The following GABRA5 variants were observed in gnomAD, a reference collection of about 807,000 sequenced individuals.
GABRA5 encodes the protein gamma-aminobutyric acid receptor subunit alpha-5.
A neutral mutation model predicts 47.3 loss-of-function variants in GABRA5; 18 were observed. That is an observed-to-expected ratio of 0.38 (90% confidence interval 0.26 to 0.56). The LOEUF (loss-of-function observed/expected upper bound fraction) is 0.56, where lower values mean the gene tolerates loss of function less well. Among genes scored for constraint, GABRA5 ranks in the 20% least tolerant of loss-of-function variants. The pLI is 0.71. For missense variants in GABRA5, 365 were observed against 599.3 expected (o/e 0.61, Z 4.08); for synonymous variants, 237 against 229.3 (o/e 1.03, Z -0.30).
intron 6 of GABRA5, among the ~76,000 whole-genome samples, chr15:26,911,397 A>ACAC (rs778398739): frequency 1.7e-5 from 2 of 117,438 alleles, no homozygotes; most frequent in Admixed American, 8.6e-5. Flanking sequence ...ACACACACAC[A>ACAC]AACACACACA....
At chr15:26,922,143 A>T (rs1317360108) in intron 7 of GABRA5, among the ~76,000 whole-genome samples, 2 of 152,058 alleles carry the variant, frequency 1.3e-5, no homozygotes, top group Non-Finnish European at 2.9e-5. Flanking sequence ...ATCCTTGATG[A>T]TTTTCTGTCT....
chr15:26,916,774 T>C (rs926727580), intron 7 of GABRA5, among the ~76,000 whole-genome samples: 1 of 152,090 alleles, frequency 6.6e-6, no homozygotes, highest in African/African-American at 2.4e-5. Context: ...TTTCAGTGTA[T>C]AGATTTTTCA....
intron 7 of GABRA5, among the ~76,000 whole-genome samples, chr15:26,935,138 G>A (rs1277945850): frequency 6.6e-6 from 1 of 152,190 alleles, no homozygotes; most frequent in Admixed American, 6.5e-5. Context: ...ATGGACACAA[G>A]GGGTCATTTA....
intron 3 of GABRA5, among the ~76,000 whole-genome samples, chr15:26,872,383 C>G (rs924370115): frequency 2.0e-4 from 30 of 152,148 alleles, no homozygotes; most frequent in Non-Finnish European, 4.1e-4. Flanking sequence ...AGTCCTTACT[C>G]GGAGCTTCCT....
chr15:26,881,384 T>C (rs760360602), intron 4 of GABRA5, among the ~76,000 whole-genome samples: 1 of 152,206 alleles, frequency 6.6e-6, no homozygotes, highest in African/African-American at 2.4e-5. Context: ...CGAGTCCTTT[T>C]CAGAAATCCA....
At chr15:26,942,881 C>T (rs546402585) in intron 9 of GABRA5, among the ~76,000 whole-genome samples, 2 of 152,232 alleles carry the variant, frequency 1.3e-5, no homozygotes, top group African/African-American at 2.4e-5. Context: ...GCCAGGAATT[C>T]GAGACCAGCC....
At chr15:26,892,823 C>T (rs1893041712) in intron 6 of GABRA5, among the ~76,000 whole-genome samples, 2 of 151,966 alleles carry the variant, frequency 1.3e-5, no homozygotes, top group African/African-American at 4.8e-5. Context: ...GGGCGGCTTC[C>T]GGAGGCTTCT....
intron 7 of GABRA5, among the ~76,000 whole-genome samples, chr15:26,917,877 CTT>C (rs1893754217): frequency 6.6e-6 from 1 of 151,760 alleles, no homozygotes; most frequent in Non-Finnish European, 1.5e-5. Flanking sequence ...TTTTACAAGT[CTT>C]TTTATTTCTG....
intron 10 of GABRA5, among the ~76,000 whole-genome samples, chr15:26,946,862 A>G (rs866018512): frequency 5.1e-4 from 77 of 152,352 alleles, no homozygotes; most frequent in African/African-American, 1.7e-3. Context: ...TAAGATTAGA[A>G]AGCCCAGGTG....
chr15:26,933,206 C>T (rs1894151404), intron 7 of GABRA5, among the ~76,000 whole-genome samples: 1 of 151,988 alleles, frequency 6.6e-6, no homozygotes, highest in Non-Finnish European at 1.5e-5. Flanking sequence ...CTGGGAATTC[C>T]CATGAAGTCA....
chr15:26,940,319 C>A (rs1894355091), intron 9 of GABRA5, among the ~76,000 whole-genome samples: 2 of 152,102 alleles, frequency 1.3e-5, no homozygotes, highest in African/African-American at 4.8e-5. Context: ...TGTTGAAAAG[C>A]CTTTTTGTGT....
At chr15:26,879,268 A>G (rs1731218482) in intron 3 of GABRA5, among the ~76,000 whole-genome samples, 1 of 152,226 alleles carries the variant, frequency 6.6e-6, no homozygotes, top group African/African-American at 2.4e-5. Flanking sequence ...TCATGAAGCC[A>G]GATCTGGTTT....
At chr15:26,888,485 T>C (rs1334723407) in intron 6 of GABRA5, among the ~76,000 whole-genome samples, 1 of 152,110 alleles carries the variant, frequency 6.6e-6, no homozygotes, top group Non-Finnish European at 1.5e-5. Context: ...TTAGGGGAGC[T>C]GAACCCAGGG....
At chr15:26,921,351 G>A (rs566947496) in intron 7 of GABRA5, among the ~76,000 whole-genome samples, 152 of 152,082 alleles carry the variant, frequency 1.0e-3, no homozygotes, top group African/African-American at 3.3e-3. Flanking sequence ...GGTAAATTGC[G>A]CTTTTTGAGA....
intron 6 of GABRA5, among the ~76,000 whole-genome samples, chr15:26,904,361 T>C (rs2140282859): frequency 6.6e-6 from 1 of 152,298 alleles, no homozygotes; most frequent in Middle Eastern, 3.4e-3. Context: ...TTTTGGTTAC[T>C]GTACATCTGT....
intron 7 of GABRA5, among the ~76,000 whole-genome samples, chr15:26,921,323 T>A (rs978542469): frequency 6.6e-6 from 1 of 152,170 alleles, no homozygotes; most frequent in African/African-American, 2.4e-5. Context: ...ATTATGTACT[T>A]CTTATTAGGT....
rs908934936 is a variant in GABRA5 at position 26,883,637 on chromosome 15, G to T, written c.497+80G>T. On this transcript the variant is annotated intron_variant, in intron 6 of 10. Transcript: ENST00000335625. This position sits in a 1 kb window ranked among gnomAD's most constrained non-coding sequence, Gnocchi z 4.8. ...CTGCCCATCCTGCCGCAAGAGCTGC[G>T]CCGCGGAGCTGTTCTGACCATAGGT... 3 of 1,145,378 alleles carry T rather than the reference G, an allele frequency of 2.6e-6. No individual in the cohort carries two copies. Among genetic ancestry groups the T allele is most frequent in the Non-Finnish European group, 2.4e-6 (2 of 832,508 alleles). 71.0% of individuals were successfully genotyped at this position (1,145,378 alleles called of 1,614,324 possible). A position where few individuals can be genotyped will look rare whatever the true frequency, so the allele number is the denominator to read the frequency against.
chr15:26,903,597 C>G (rs1200080369), intron 6 of GABRA5, among the ~76,000 whole-genome samples: 3 of 152,164 alleles, frequency 2.0e-5, no homozygotes, highest in Admixed American at 1.3e-4. Context: ...TCCCCTTTCT[C>G]CACAACCTCA....
At chr15:26,939,192 G>A (rs767171742) in intron 8 of GABRA5, 8 of 760,078 alleles carry the variant, frequency 1.1e-5, no homozygotes, top group Middle Eastern at 2.3e-4. Context: ...CTGGCCCAGC[G>A]GGCCTCACAC....
Sources: allele counts gnomAD v4.1 joint callset (sites outside exome capture counted in the v4.1 genomes callset), GRCh38; gene constraint gnomAD v4.1.1; non-coding constraint Gnocchi (gnomAD v3.1); transcripts MANE v1.5; gene names NCBI Gene and HGNC (gene_info 2026-07-23, HGNC 2026-07-21).